Variants in LRP1B observed in about 807,000 individuals in gnomAD.
LRP1B encodes low-density lipoprotein receptor-related protein 1B.
Under a neutral mutation model 556.6 loss-of-function variants are expected in LRP1B, and 217 were observed. The ratio of observed to expected loss-of-function variants is 0.39; its 90% CI spans 0.35 to 0.44. The LOEUF (loss-of-function observed/expected upper bound fraction) is 0.44. Among genes scored for constraint, LRP1B ranks in the 20% least tolerant of loss-of-function variants. The pLI, the probability that LRP1B is intolerant of heterozygous loss-of-function variation, is 1.00. For synonymous variants in LRP1B, 2,047 were observed against 1,865.8 expected (o/e 1.10, Z -2.50); for missense variants, 5,053 against 5,620.8 (o/e 0.90, Z 3.23).
intron 75 of LRP1B, among the ~76,000 whole-genome samples, chr2:140,354,875 T>C (rs527840473): frequency 1.3e-3 from 204 of 152,156 alleles, no homozygotes; most frequent in African/African-American, 4.5e-3. Flanking sequence ...GGCTTTAACA[T>C]CAAATAGCAA....
intron 3 of LRP1B, among the ~76,000 whole-genome samples, chr2:141,456,140 A>C (rs149252640): frequency 6.6e-6 from 1 of 152,352 alleles, no homozygotes; most frequent in African/African-American, 2.4e-5. Context: ...GGCCACCAGT[A>C]CTATAGCGTT....
intron 1 of LRP1B, among the ~76,000 whole-genome samples, chr2:141,945,527 G>A (rs1004717942): frequency 3.5e-5 from 5 of 142,198 alleles, no homozygotes; most frequent in Admixed American, 1.4e-4. Context: ...TATTGTATAT[G>A]TATGTATATA....
chr2:142,043,837 CCATATAGAAAAGAAA>C (rs983890379), intron 1 of LRP1B, among the ~76,000 whole-genome samples: 3 of 151,480 alleles, frequency 2.0e-5, no homozygotes, highest in African/African-American at 4.8e-5. Context: ...TACCCTTCAA[CCATATAGAAAAGAAA>C]CAGATGTGAT....
intron 66 of LRP1B, among the ~76,000 whole-genome samples, chr2:140,421,544 C>G (rs909743413): frequency 5.3e-5 from 8 of 151,904 alleles, no homozygotes; most frequent in Admixed American, 4.6e-4. Context: ...CTTAAAATAC[C>G]ATGTTATTTA....
intron 20 of LRP1B, among the ~76,000 whole-genome samples, chr2:140,942,293 T>C (rs1294137494): frequency 1.3e-5 from 2 of 152,144 alleles, no homozygotes; most frequent in East Asian, 1.9e-4. Flanking sequence ...TATGGGATTA[T>C]GCAAAGTGAT....
chr2:141,127,367 G>C (rs1701241823), intron 7 of LRP1B, among the ~76,000 whole-genome samples: 1 of 152,086 alleles, frequency 6.6e-6, no homozygotes, highest in South Asian at 2.1e-4. Context: ...AATACCATTT[G>C]ACCCAGCAAT....
chr2:141,185,360 G>A (rs1681194504), intron 7 of LRP1B, among the ~76,000 whole-genome samples: 1 of 151,976 alleles, frequency 6.6e-6, no homozygotes, highest in Non-Finnish European at 1.5e-5. Flanking sequence ...TGCTGTTTTT[G>A]ATGTTGGTTG....
rs114495326 is a variant in LRP1B at position 141,026,006 on chromosome 2, G to A, written c.1790-5904C>T. 2.8e-3 allele frequency among the ~76,000 whole-genome samples: 430 copies of A among 152,158 alleles called. 2 individuals are homozygous for A. Among genetic ancestry groups the A allele is most frequent in the African/African-American group, 0.01 (419 of 41,550 alleles). ...CTAAAATTCTTTGGATAATATTAGA[G>A]TCTTCATTGTGAATGGGGAGAAAGT... is the stretch of plus-strand genomic sequence containing the variant. On this transcript the variant is annotated intron_variant, in intron 11 of 90. Coordinates refer to ENST00000389484, the MANE Select transcript of LRP1B (RefSeq NM_018557.3).
intron 68 of LRP1B, 22 bp from the exon 69 acceptor site, chr2:140,373,159 T>A (rs181914122): frequency 6.2e-7 from 1 of 1,607,376 alleles, no homozygotes; most frequent in African/African-American, 1.3e-5. Flanking sequence ...AACAGAGATA[T>A]AATCAAAATT....
At chr2:140,361,341 C>CATATATATATATAT (rs67208978) in intron 72 of LRP1B, among the ~76,000 whole-genome samples, 449 of 30,678 alleles carry the variant, frequency 0.015, 22 homozygotes, top group Middle Eastern at 0.056. Context: ...ACTTGGAAAG[C>CATATATATATATAT]ATATATATAT....
chr2:141,840,176 T>C (rs930250626), intron 1 of LRP1B, among the ~76,000 whole-genome samples: 2 of 151,922 alleles, frequency 1.3e-5, no homozygotes, highest in African/African-American at 2.4e-5. Context: ...TATATACCAA[T>C]TTGTATAATT....
At chr2:140,993,883 A>T in intron 16 of LRP1B, 112 bp downstream of exon 16, 1 of 1,059,600 alleles carries the variant, frequency 9.4e-7, no homozygotes, top group Non-Finnish European at 1.4e-6. Flanking sequence ...AAATTAAACT[A>T]GGTTCAATCT....
chr2:140,851,407 GA>G (rs907971359), intron 28 of LRP1B, among the ~76,000 whole-genome samples: 2 of 151,312 alleles, frequency 1.3e-5, no homozygotes, highest in African/African-American at 2.4e-5. Flanking sequence ...AAAGTAGCAG[GA>G]AAAAAAATCA....
chr2:140,693,680 C>CT (rs1686323823), intron 41 of LRP1B, among the ~76,000 whole-genome samples: 1 of 148,202 alleles, frequency 6.7e-6, no homozygotes, highest in South Asian at 2.2e-4. Context: ...TTAAGAATAG[C>CT]TTTTTTAAGA....
rs1389506819 is a variant in LRP1B at position 140,598,712 on chromosome 2, G to A, written c.7113C>T (p.Asp2371=). The part of the protein sequence containing the change: ...DILTPNGLTI[D]YRAEKLYFSD... ...AGAAATACAGCTTCTCTGCACGGTAGTCGATAGTAAGTCCATTTGGAGTGA... is the reference window on the plus strand; with the variant it reads ...AGAAATACAGCTTCTCTGCACGGTAATCGATAGTAAGTCCATTTGGAGTGA... Residue 2371 remains aspartate (D), a synonymous_variant, in exon 43 of 91, where the codon GAC becomes GAT. Transcript: ENST00000389484. The A allele has an allele frequency of 6.2e-7, 1 of 1,613,774 alleles. No individual in the cohort carries two copies. The highest frequency in any genetic ancestry group is 2.2e-5 in the East Asian group (1 of 44,808).
intron 21 of LRP1B, among the ~76,000 whole-genome samples, chr2:140,912,144 T>C (rs749514226): frequency 6.6e-6 from 1 of 151,762 alleles, no homozygotes; most frequent in Non-Finnish European, 1.5e-5. Context: ...TTTTAGTTCT[T>C]ACCAAAATGT....
intron 1 of LRP1B, among the ~76,000 whole-genome samples, chr2:141,953,232 C>T (rs75869062): frequency 0.015 from 2,230 of 152,124 alleles, 69 homozygotes; most frequent in African/African-American, 0.051. Context: ...ATCCCATCCA[C>T]CATTCTAAAA....
chr2:141,284,449 A>G (rs1685629345), intron 3 of LRP1B, among the ~76,000 whole-genome samples: 1 of 152,224 alleles, frequency 6.6e-6, no homozygotes, highest in South Asian at 2.1e-4. Flanking sequence ...TGGTTATTGA[A>G]TAGTTCTTAT....
At position 141,007,868 on chromosome 2, in the gene LRP1B, T is replaced by C. The variant is rs1034590173; in HGVS notation, c.2381-2411A>G. Among the ~76,000 whole-genome samples, 8 of 151,906 alleles carry C rather than the reference T, an allele frequency of 5.3e-5. 1 individual carries two copies. The East Asian group carries it at 1.4e-3, about 26-fold the overall frequency. On this transcript the variant is annotated intron_variant, in intron 14 of 90. Transcript: ENST00000389484. ...AAATAAATTGGCATTATTCAAACTTTGAAATATATTTCTTTTCTGTGAATA... is the reference window on the plus strand; with the variant it reads ...AAATAAATTGGCATTATTCAAACTTCGAAATATATTTCTTTTCTGTGAATA...
Sources: allele counts gnomAD v4.1 joint callset (sites outside exome capture counted in the v4.1 genomes callset), GRCh38; gene constraint gnomAD v4.1.1; transcripts MANE v1.5; gene names NCBI Gene and HGNC (gene_info 2026-07-23, HGNC 2026-07-21).